ZNF225: variants seen among roughly 807,000 people sequenced by gnomAD.
The protein encoded by ZNF225 is zinc finger protein 225.
ZNF225 carries 6 observed loss-of-function variants against 12.0 expected under a neutral mutation model. That is an observed-to-expected ratio of 0.50 (90% CI 0.27 to 0.98). The LOEUF is 0.98. ZNF225 is among the 50% of genes least tolerant of loss of function. ZNF225 has a pLI of 0.11. For synonymous variants in ZNF225, 271 were observed against 283.2 expected, an observed-to-expected ratio of 0.96 and a Z score of 0.43; for missense variants, 763 against 848.2, an observed-to-expected ratio of 0.90 and a Z score of 1.25.
At position 44,118,177 on chromosome 19, in the gene ZNF225, C is replaced by T. The variant is rs568335959; in HGVS notation, c.16-11C>T. 20 of 1,607,614 alleles carry T rather than the reference C, an allele frequency of 1.2e-5. No homozygotes were observed. Among genetic ancestry groups the T allele is most frequent in the South Asian group, 5.5e-5 (5 of 90,538 alleles). On this transcript the variant is annotated splice_polypyrimidine_tract_variant and intron_variant, in intron 2 of 4. Transcript: ENST00000262894. ...TCATGAGACTGAGGTTGCATATGTT[C>T]GATGCTGTAGGAGGCAGTGACCTTC...
chr19:44,114,774 G>T (rs1321093921), intron 1 of ZNF225, among the ~76,000 whole-genome samples: 1 of 152,224 alleles, frequency 6.6e-6, no homozygotes, highest in Non-Finnish European at 1.5e-5. Context: ...GCCTCCCAAA[G>T]TGTGGGATTA....
Position 44,131,018 on chromosome 19 carries a change from A to G in ZNF225, c.404A>G (p.Asp135Gly), listed in dbSNP as rs1968241475. ...SKQDDMPCQVDAGLSIIHVRQ... is the reference protein window; with the variant it reads ...SKQDDMPCQVGAGLSIIHVRQ... ...CAAGATGATATGCCCTGCCAGGTTGATGCAGGACTATCTATAATTCACGTA... is the reference window on the plus strand; with the variant it reads ...CAAGATGATATGCCCTGCCAGGTTGGTGCAGGACTATCTATAATTCACGTA... The change falls in exon 5 of 5, where the codon GAT becomes GGT. Residue 135 changes from aspartate (D) to glycine (G), a missense_variant. Transcript: ENST00000262894. 3.7e-6 allele frequency: 6 copies of G among 1,614,088 alleles called. No homozygotes were observed. In the East Asian group the frequency reaches 1.3e-4, roughly 36 times the overall value.
chr19:44,112,579 C>T (rs780947087), upstream of ZNF225, among the ~76,000 whole-genome samples: 2 of 151,908 alleles, frequency 1.3e-5, no homozygotes, highest in African/African-American at 4.8e-5. Flanking sequence ...TTTTGCATAG[C>T]GAAAAACAAG....
Position 44,132,498 on chromosome 19 carries a change from G to C in ZNF225, c.1884G>C (p.Lys628Asn). 1 of 1,613,970 alleles carries C rather than the reference G, an allele frequency of 6.2e-7. No homozygotes were observed. The highest frequency in any genetic ancestry group is 1.1e-5 in the South Asian group (1 of 91,058). The change falls in exon 5 of 5, where the codon AAG becomes AAC. Residue 628 changes from lysine (K) to asparagine (N), a missense_variant. Lys to Asn is a moderately conservative substitution (Grantham distance 94, BLOSUM62 0). Transcript: ENST00000262894. ...HTGEKPYKCE[K>N]CGKSFRWAST... is the part of the protein sequence containing the mutation. ...GGGAAAAGCCATACAAATGTGAGAAGTGTGGAAAGAGCTTCAGATGGGCCT... is the reference window on the plus strand; with the variant it reads ...GGGAAAAGCCATACAAATGTGAGAACTGTGGAAAGAGCTTCAGATGGGCCT...
Position 44,132,248 on chromosome 19 carries a change from G to A in ZNF225, c.1634G>A (p.Cys545Tyr), listed in dbSNP as rs377745923. ...TGVKPYKCEECGKGFNSKFNL... is the reference protein window; with the variant it reads ...TGVKPYKCEEYGKGFNSKFNL... ...GTAAAGCCATACAAATGTGAAGAGTGTGGGAAGGGCTTCAACAGTAAGTTT... is the reference window on the plus strand; with the variant it reads ...GTAAAGCCATACAAATGTGAAGAGTATGGGAAGGGCTTCAACAGTAAGTTT... The change falls in exon 5 of 5, where the codon TGT becomes TAT. Residue 545 changes from cysteine (C) to tyrosine (Y), a missense_variant. Cys to Tyr is a radical substitution (Grantham distance 194). Transcript: ENST00000262894. 6 of 1,614,170 alleles carry A rather than the reference G, an allele frequency of 3.7e-6. No individual in the cohort carries two copies. Among genetic ancestry groups the A allele is most frequent in the Admixed American group, 3.3e-5 (2 of 60,018 alleles).
intron 2 of ZNF225, among the ~76,000 whole-genome samples, chr19:44,116,877 A>T (rs1418572002): frequency 6.6e-6 from 1 of 152,190 alleles, no homozygotes; most frequent in Non-Finnish European, 1.5e-5. Flanking sequence ...ACCTGATATT[A>T]TATGATCACA....
chr19:44,131,046 A>G lies in ZNF225; in HGVS notation c.432A>G (p.Arg144=). 1 of 1,614,074 alleles carries G rather than the reference A, an allele frequency of 6.2e-7. No homozygotes were observed. Among genetic ancestry groups the G allele is most frequent in the Non-Finnish European group, 8.5e-7 (1 of 1,179,932 alleles). The change falls in exon 5 of 5, where the codon AGA becomes AGG. Residue 144 remains arginine (R), a synonymous_variant. Transcript: ENST00000262894. The part of the protein sequence containing the change: ...VDAGLSIIHV[R]QKPSEGRTCK... ...CAGGACTATCTATAATTCACGTAAG[A>G]CAGAAACCTTCTGAGGGTAGGACGT...
In ZNF225 at chr19:44,132,404, A is replaced by T. The variant is rs1800599031; in HGVS notation, c.1790A>T (p.Lys597Ile). The change falls in exon 5 of 5, where the codon AAA becomes ATA. Residue 597 changes from lysine (K) to isoleucine (I), a missense_variant. Transcript: ENST00000262894. ...KRLHGDEKPF[K>I]CEECGKRFTE... is the part of the protein sequence containing the mutation. Reference sequence around the variant, plus strand: ...CTCCATGGTGATGAAAAGCCATTCAAATGTGAAGAGTGTGGGAAGAGATTT... The same window carrying T: ...CTCCATGGTGATGAAAAGCCATTCATATGTGAAGAGTGTGGGAAGAGATTT... The T allele has an allele frequency of 6.2e-7, 1 of 1,614,066 alleles. No individual in the cohort carries two copies. The highest frequency in any genetic ancestry group is 1.3e-5 in the African/African-American group (1 of 74,924).
At position 44,130,895 on chromosome 19, in the gene ZNF225, C is replaced by T; in HGVS notation, c.281C>T (p.Thr94Ile). Residue 94 changes from threonine to isoleucine, a missense_variant, in exon 5 of 5, where the codon ACA (threonine) becomes ATA (isoleucine). Transcript: ENST00000262894. ...MEMETVSESGTHEGLFSHQTW... is the reference protein window; with the variant it reads ...MEMETVSESGIHEGLFSHQTW... The stretch of plus-strand genomic sequence containing the variant: ...ATGGAGACTGTTTCAGAATCAGGAA[C>T]ACATGAAGGCTTGTTCAGTCATCAA... 1 of 1,613,652 alleles carries T rather than the reference C, an allele frequency of 6.2e-7. No individual in the cohort carries two copies. The highest frequency in any genetic ancestry group is 8.5e-7 in the Non-Finnish European group (1 of 1,179,820).
At chr19:44,124,301 T>C (rs1197444864) in intron 4 of ZNF225, among the ~76,000 whole-genome samples, 1 of 152,248 alleles carries the variant, frequency 6.6e-6, no homozygotes, top group African/African-American at 2.4e-5. Flanking sequence ...GATTATTTAA[T>C]TTCCATGTAT....
At chr19:44,126,696 C>T (rs1456904868) in intron 4 of ZNF225, among the ~76,000 whole-genome samples, 2 of 152,004 alleles carry the variant, frequency 1.3e-5, no homozygotes, top group Non-Finnish European at 2.9e-5. Context: ...CTCAGACTCT[C>T]CTTGGGTGGG....
rs957623925 is a variant in ZNF225 at position 44,133,852 on chromosome 19, T to A, written c.*1117T>A. ...ATAATCAAATCTACCAGAGATAGAT[T>A]TGATTTTTATAATCAAATCTACTAG... On this transcript the variant is annotated 3_prime_UTR_variant, in exon 5 of 5. Coordinates refer to ENST00000262894, the MANE Select transcript of ZNF225 (RefSeq NM_013362.4). 6.7e-6 allele frequency: 1 copy of A among 150,104 alleles called. No homozygotes were observed. The highest frequency in any genetic ancestry group is 2.5e-5 in the African/African-American group (1 of 40,382). 9.3% of individuals were successfully genotyped at this position (150,104 alleles called of 1,614,324 possible).
intron 4 of ZNF225, chr19:44,129,602 A>G (rs1012107120): frequency 6.6e-6 from 1 of 152,240 alleles, no homozygotes; most frequent in Non-Finnish European, 1.5e-5. Flanking sequence ...TTCCCGTATG[A>G]GTAGTCTCAG....
intron 1 of ZNF225, chr19:44,114,267 T>C (rs1967892581): frequency 2.0e-5 from 15 of 738,102 alleles, no homozygotes; most frequent in Non-Finnish European, 3.1e-5. Context: ...CAACCGAGAG[T>C]GTATAGGATG....
At chr19:44,119,175 C>T (rs1161451946) in intron 4 of ZNF225, among the ~76,000 whole-genome samples, 1 of 152,102 alleles carries the variant, frequency 6.6e-6, no homozygotes, top group Non-Finnish European at 1.5e-5. Flanking sequence ...ACCATGTGAT[C>T]TGCTTTTCAT....
At chr19:44,125,881 G>C (rs1308120121) in intron 4 of ZNF225, among the ~76,000 whole-genome samples, 1 of 151,890 alleles carries the variant, frequency 6.6e-6, no homozygotes, top group Non-Finnish European at 1.5e-5. Context: ...AGTGTTTCCT[G>C]AATTTTTTAT....
chr19:44,133,312 G>C lies in ZNF225; in HGVS notation c.*577G>C, dbSNP rs1185379364. ...CGTGAATGGTGCTGCAATAAACATG[G>C]GGGGGTGGAGATAACACTTTAACAT... On this transcript the variant is annotated 3_prime_UTR_variant, in exon 5 of 5. Coordinates refer to ENST00000262894, the MANE Select transcript of ZNF225 (RefSeq NM_013362.4). 6.6e-6 allele frequency: 1 copy of C among 152,302 alleles called. No individual in the cohort carries two copies. The highest frequency in any genetic ancestry group is 1.5e-5 in the Non-Finnish European group (1 of 68,194). 9.4% of individuals were successfully genotyped at this position (152,302 alleles called of 1,614,324 possible). A position where few individuals can be genotyped will look rare whatever the true frequency, so the allele number is the denominator to read the frequency against.
intron 4 of ZNF225, among the ~76,000 whole-genome samples, chr19:44,125,631 T>C (rs1294173132): frequency 6.6e-6 from 1 of 152,260 alleles, no homozygotes; most frequent in East Asian, 1.9e-4. Context: ...AAATATGTTT[T>C]CCAAGCTTTT....
rs755845156 is a variant in ZNF225, at chr19:44,130,991, A to G, written c.377A>G (p.Lys126Arg). The change falls in exon 5 of 5, where the codon AAA becomes AGA. Residue 126 changes from lysine (K) to arginine (R), a missense_variant. Transcript: ENST00000262894. The part of the protein sequence containing the change: ...DSMVNSFQFS[K>R]QDDMPCQVDA... ...ATGGTAAACAGCTTTCAGTTCTCCA[A>G]ACAAGATGATATGCCCTGCCAGGTT... 6.8e-6 allele frequency: 11 copies of G among 1,613,914 alleles called. No homozygotes were observed. The highest frequency in any genetic ancestry group is 6.6e-5 in the South Asian group (6 of 91,092).
Sources: gnomAD v4.1 joint callset for allele counts (sites outside exome capture counted in the v4.1 genomes callset) on GRCh38, gnomAD v4.1.1 for gene constraint, MANE v1.5 for transcripts, NCBI Gene and HGNC (gene_info 2026-07-23, HGNC 2026-07-21) for gene names.